Variants in TTC39B observed in about 807,000 individuals in gnomAD.
TTC39B encodes the protein tetratricopeptide repeat protein 39B.
Under a neutral mutation model 96.6 loss-of-function variants are expected in TTC39B, and 92 were observed. That is an observed-to-expected ratio of 0.95 (90% CI 0.80 to 1.13). The LOEUF (loss-of-function observed/expected upper bound fraction) is 1.13, where lower values mean the gene tolerates loss of function less well. TTC39B is among the 50% of genes most tolerant of loss of function. The pLI, the probability that TTC39B is intolerant of heterozygous loss-of-function variation, is 0.00. For synonymous variants in TTC39B, 367 were observed against 299.4 expected (o/e 1.23, Z -2.33); for missense variants, 955 against 809.3 (o/e 1.18, Z -2.18).
chr9:15,189,784 C>T, exon 12 of TTC39B: 8 of 1,609,008 alleles, frequency 5.0e-6, no homozygotes, highest in Middle Eastern at 1.7e-4. Context: ...ACATTCACTT[C>T]TCCTGTACCT....
chr9:15,199,926 C>A lies in TTC39B; in HGVS notation c.760-1G>T. 1.3e-6 allele frequency: 2 copies of A among 1,528,246 alleles called. No individual in the cohort carries two copies. Among genetic ancestry groups the A allele is most frequent in the Non-Finnish European group, 1.8e-6 (2 of 1,115,458 alleles). 94.7% of individuals were successfully genotyped at this position (1,528,246 alleles called of 1,614,324 possible). ...TGATGAAGTTGATCATATTTTCATC[C>A]TGAAAATAATTCAGTTAAAAAATTA... On this transcript the variant is annotated splice_acceptor_variant, in intron 7 of 19. Transcript: ENST00000512701. LOFTEE classifies it high-confidence loss of function.
At chr9:15,222,909 G>C (rs923588458) in intron 3 of TTC39B, among the ~76,000 whole-genome samples, 2 of 152,168 alleles carry the variant, frequency 1.3e-5, no homozygotes, top group East Asian at 3.8e-4. Context: ...GCCAACAACA[G>C]GTCTCCCACC....
At chr9:15,208,205 A>T (rs1397394169) in intron 6 of TTC39B, among the ~76,000 whole-genome samples, 1 of 151,458 alleles carries the variant, frequency 6.6e-6, no homozygotes, top group African/African-American at 2.4e-5. Context: ...TTATATTTTT[A>T]GTAGAGACGG....
exon 7 of TTC39B, chr9:15,203,878 G>T (rs769082123): frequency 6.2e-7 from 1 of 1,612,846 alleles, no homozygotes; most frequent in Non-Finnish European, 8.5e-7. Context: ...ACAGATTTCA[G>T]CATGCATTTC....
chr9:15,261,716 C>A (rs1408621968), intron 2 of TTC39B, among the ~76,000 whole-genome samples: 1 of 152,112 alleles, frequency 6.6e-6, no homozygotes, highest in East Asian at 1.9e-4. Context: ...CCCTCAAAAC[C>A]CAAAGCAAAT....
At chr9:15,223,648 G>A (rs906240259) in intron 3 of TTC39B, among the ~76,000 whole-genome samples, 8 of 152,114 alleles carry the variant, frequency 5.3e-5, no homozygotes. Context: ...TTCACATTAT[G>A]TTTATTCTTC....
chr9:15,245,907 G>C (rs918785673), intron 2 of TTC39B, among the ~76,000 whole-genome samples: 5 of 152,090 alleles, frequency 3.3e-5, no homozygotes, highest in African/African-American at 9.7e-5. Flanking sequence ...AAATTTCTCT[G>C]GCTAAGTCAG....
chr9:15,274,611 C>A (rs1823471840), intron 1 of TTC39B, among the ~76,000 whole-genome samples: 2 of 152,128 alleles, frequency 1.3e-5, no homozygotes, highest in South Asian at 4.1e-4. Context: ...AATAGGGGCC[C>A]ACACATTAGA....
chr9:15,242,493 G>A (rs926049061), intron 2 of TTC39B, among the ~76,000 whole-genome samples: 2 of 152,138 alleles, frequency 1.3e-5, no homozygotes, highest in African/African-American at 4.8e-5. Flanking sequence ...TGAAGCGGGA[G>A]GATCGCTTGA....
At chr9:15,218,635 A>AAAAAAAAAAAAAATATATAT (rs374054306) in intron 3 of TTC39B, among the ~76,000 whole-genome samples, 18 of 149,530 alleles carry the variant, frequency 1.2e-4, no homozygotes, top group African/African-American at 4.2e-4. Flanking sequence ...GTCTATTTTA[A>AAAAAAAAAAAAAATATATAT]ATATATATAT....
chr9:15,195,065 C>T (rs950537069), intron 8 of TTC39B, among the ~76,000 whole-genome samples: 1 of 152,222 alleles, frequency 6.6e-6, no homozygotes, highest in Admixed American at 6.5e-5. Flanking sequence ...GGAAGCTAGG[C>T]CTCTTGTGCC....
intron 2 of TTC39B, among the ~76,000 whole-genome samples, chr9:15,239,169 C>G (rs1397762351): frequency 6.6e-6 from 1 of 151,778 alleles, no homozygotes; most frequent in African/African-American, 2.4e-5. Context: ...AAAAAATGCT[C>G]AACATCACTA....
At chr9:15,255,667 TG>T (rs952913615) in intron 2 of TTC39B, among the ~76,000 whole-genome samples, 3 of 152,060 alleles carry the variant, frequency 2.0e-5, no homozygotes, top group Non-Finnish European at 4.4e-5. Flanking sequence ...TTTAAGATTC[TG>T]ACACTCATTT....
intron 7 of TTC39B, 125 bp from the exon 8 acceptor site, chr9:15,200,050 T>C (rs1442641660): frequency 3.7e-6 from 2 of 539,396 alleles, no homozygotes; most frequent in South Asian, 2.8e-5. Flanking sequence ...TTTGAGGACA[T>C]AATTTTGAAA....
chr9:15,269,736 T>C (rs549112063), intron 1 of TTC39B, among the ~76,000 whole-genome samples: 46 of 150,754 alleles, frequency 3.1e-4, no homozygotes, highest in African/African-American at 1.1e-3. Flanking sequence ...GCACCTGTAA[T>C]CCCAGCTACT....
At chr9:15,278,382 A>G (rs1443321396) in intron 1 of TTC39B, among the ~76,000 whole-genome samples, 2 of 152,256 alleles carry the variant, frequency 1.3e-5, no homozygotes, top group African/African-American at 4.8e-5. Flanking sequence ...TTTTACAATT[A>G]GGTTATCACT....
At chr9:15,253,830 CA>C (rs1197563147) in intron 2 of TTC39B, among the ~76,000 whole-genome samples, 1 of 151,874 alleles carries the variant, frequency 6.6e-6, no homozygotes, top group Non-Finnish European at 1.5e-5. Context: ...CTTCTCTACC[CA>C]AAAAAAGATA....
At chr9:15,285,712 G>A (rs577019876) in intron 1 of TTC39B, among the ~76,000 whole-genome samples, 104 of 152,172 alleles carry the variant, frequency 6.8e-4, no homozygotes, top group African/African-American at 2.4e-3. Context: ...AAAATTAGCC[G>A]GGCTTGGTGG....
intron 7 of TTC39B, among the ~76,000 whole-genome samples, chr9:15,202,121 G>C (rs1819576321): frequency 1.3e-5 from 2 of 152,146 alleles, no homozygotes; most frequent in Admixed American, 6.6e-5. Context: ...GGAGTCATGA[G>C]GAAGAGGGGA....
Sources: gnomAD v4.1 joint callset for allele counts (sites outside exome capture counted in the v4.1 genomes callset) on GRCh38, gnomAD v4.1.1 for gene constraint, MANE v1.5 for transcripts, NCBI Gene and HGNC (gene_info 2026-07-23, HGNC 2026-07-21) for gene names.